RHPN1: variants seen among roughly 807,000 people sequenced by gnomAD.
The protein encoded by RHPN1 is rhophilin Rho GTPase binding protein 1.
A neutral mutation model predicts 74.7 loss-of-function variants in RHPN1; 77 were observed. The observed-to-expected ratio is 1.03, with a 90% CI of 0.86 to 1.25. RHPN1 has a LOEUF of 1.25. Among genes scored for constraint, RHPN1 ranks in the 50% most tolerant of loss-of-function variants. The pLI, the probability that RHPN1 is intolerant of heterozygous loss-of-function variation, is 0.00. For missense variants in RHPN1, 987 were observed against 932.2 expected (o/e 1.06, Z -0.77); for synonymous variants, 444 against 414.5 (o/e 1.07, Z -0.87).
intron 5 of RHPN1, 105 bp downstream of exon 5, chr8:143,378,451 C>G (rs762995929): frequency 1.0e-5 from 11 of 1,078,930 alleles, no homozygotes; most frequent in African/African-American, 3.1e-5. Flanking sequence ...GTAGACATCT[C>G]GAGGACGTGG....
rs1333434837 is a variant in RHPN1, at chr8:143,378,801, C to T, written c.565C>T (p.Leu189Phe). 1.6e-5 allele frequency: 25 copies of T among 1,565,198 alleles called. 1 individual carries two copies. In the South Asian group the frequency reaches 2.9e-4, roughly 18 times the overall value. The change falls in exon 6 of 15, where the codon CTC becomes TTC. Residue 189 changes from leucine (L) to phenylalanine (F), a missense_variant. Transcript: ENST00000289013. ...DARFLTPARS[L>F]GLFFHWYDSL... Reference sequence around the variant, plus strand: ...GCGCTTCCTCACCCCTGCCAGGAGCCTCGGGCTCTTCTTCCACTGGTAGGG... The same window carrying T: ...GCGCTTCCTCACCCCTGCCAGGAGCTTCGGGCTCTTCTTCCACTGGTAGGG...
intron 1 of RHPN1, chr8:143,374,135 A>G (rs749738390): frequency 2.0e-6 from 2 of 985,294 alleles, no homozygotes; most frequent in African/African-American, 1.7e-5. Context: ...CTCTCTCCAG[A>G]TATCTAGGAG....
At chr8:143,371,433 T>G (rs551866329) in intron 1 of RHPN1, among the ~76,000 whole-genome samples, 80 of 151,910 alleles carry the variant, frequency 5.3e-4, no homozygotes, top group African/African-American at 1.9e-3. Context: ...TTGCTCCAGG[T>G]GGGTGACCTC....
Position 143,378,357 on chromosome 8 carries a change from C to CGGGGGGGGGGGGGGGGGGGGCG in RHPN1, c.459+11_459+12insGGGGGGGGGGGGGGGGGGGGCG. 1 of 1,520,944 alleles carries CGGGGGGGGGGGGGGGGGGGGCG rather than the reference C, an allele frequency of 6.6e-7. No individual in the cohort carries two copies. The highest frequency in any genetic ancestry group is 8.9e-7 in the Non-Finnish European group (1 of 1,127,160). 94.2% of individuals were successfully genotyped at this position (1,520,944 alleles called of 1,614,324 possible). A position where few individuals can be genotyped will look rare whatever the true frequency, so the allele number is the denominator to read the frequency against. ...GAGGCCCTGCGGCAGGTGTGTGGTT[C>CGGGGGGGGGGGGGGGGGGGGCG]CCCCGCCCACCCACCCTCCTGCAGC... On this transcript the variant is annotated intron_variant, in intron 5 of 14. Transcript: ENST00000289013.
chr8:143,368,124 A>G (rs1310013881), upstream of RHPN1: 1 of 153,852 alleles, frequency 6.5e-6, no homozygotes, highest in Non-Finnish European at 1.5e-5. Flanking sequence ...CAAGTTCTAC[A>G]AACAGGTAGT....
upstream of RHPN1, among the ~76,000 whole-genome samples, chr8:143,365,699 T>C (rs957498595): frequency 2.0e-5 from 3 of 152,184 alleles, no homozygotes; most frequent in Admixed American, 1.3e-4. Flanking sequence ...TACTGGTCCA[T>C]ATAAAAGCAT....
intron 1 of RHPN1, among the ~76,000 whole-genome samples, chr8:143,373,875 A>T (rs1200796426): frequency 6.6e-6 from 1 of 151,980 alleles, no homozygotes; most frequent in African/African-American, 2.4e-5. Flanking sequence ...CCTCATCTTA[A>T]CTCATTATAT....
At chr8:143,370,748 G>T (rs1817768007) in intron 1 of RHPN1, among the ~76,000 whole-genome samples, 1 of 152,264 alleles carries the variant, frequency 6.6e-6, no homozygotes, top group Non-Finnish European at 1.5e-5. Flanking sequence ...AAGGGGAGAA[G>T]CCTGGCACGG....
chr8:143,370,425 C>T (rs1415045371), intron 1 of RHPN1, among the ~76,000 whole-genome samples: 1 of 152,212 alleles, frequency 6.6e-6, no homozygotes. Context: ...CCGATGCCTG[C>T]TGCCGGGCTA....
At chr8:143,376,749 A>C (rs1454111125) in intron 3 of RHPN1, 96 bp downstream of exon 3, 3 of 1,372,356 alleles carry the variant, frequency 2.2e-6, no homozygotes, top group Non-Finnish European at 3.0e-6. Context: ...CTCTGTGTGT[A>C]TATGTGTGCA....
At position 143,384,035 on chromosome 8, in the gene RHPN1, C is replaced by T. The variant is rs1055181; in HGVS notation, c.*1384C>T. 20,167 of 152,188 alleles carry T rather than the reference C, an allele frequency of 0.13. 1,506 individuals are homozygous for T. Among genetic ancestry groups the T allele is most frequent in the Middle Eastern group, 0.27 (78 of 294 alleles). The allele number at this position is 152,188 out of a possible 1,614,324, so 9.4% of individuals were successfully genotyped here. ...AGTAGGGTGTTTGGGGTCCCAGAGA[C>T]GCAGGCGCCGCGGCGCGATCTTCCT... On this transcript the variant is annotated 3_prime_UTR_variant, in exon 15 of 15. Transcript: ENST00000289013.
At chr8:143,364,438 G>A (rs1012281287), upstream of RHPN1, among the ~76,000 whole-genome samples, 5 of 148,328 alleles carry the variant, frequency 3.4e-5, no homozygotes, top group Admixed American at 6.7e-5. The surrounding 1 kb of genome is among the most constrained non-coding windows in gnomAD (Gnocchi z 4.5). Flanking sequence ...CACACAGCCC[G>A]GGAAGGTCCC....
At chr8:143,371,181 G>A (rs71520513) in intron 1 of RHPN1, among the ~76,000 whole-genome samples, 11,275 of 152,180 alleles carry the variant, frequency 0.074, 495 homozygotes, top group Non-Finnish European at 0.099. Flanking sequence ...TGGCGTGCGT[G>A]CTGCTTATAG....
Position 143,380,300 on chromosome 8 carries a change from C to T in RHPN1, c.1216+125C>T, listed in dbSNP as rs927832076. 1.9e-5 allele frequency: 14 copies of T among 755,308 alleles called. No homozygotes were observed. The African/African-American group carries it at 2.5e-4, about 13-fold the overall frequency. 46.8% of individuals were successfully genotyped at this position (755,308 alleles called of 1,614,324 possible). ...CGTGCTGACGAGTTGGGCCACCTACCTATCCCTGGATGGCCTGTGCCTGAT... is the reference window on the plus strand; with the variant it reads ...CGTGCTGACGAGTTGGGCCACCTACTTATCCCTGGATGGCCTGTGCCTGAT... On this transcript the variant is annotated intron_variant, in intron 10 of 14. Transcript: ENST00000289013.
At chr8:143,376,474 C>T in intron 2 of RHPN1, 51 bp from the exon 3 acceptor site, 1 of 1,601,872 alleles carries the variant, frequency 6.2e-7, no homozygotes, top group Non-Finnish European at 8.5e-7. Context: ...GGGCACGGGG[C>T]CTTTGGCTCT....
At position 143,375,137 on chromosome 8, in the gene RHPN1, G is replaced by A. The variant is rs575900562; in HGVS notation, c.61-416G>A. On this transcript the variant is annotated intron_variant, in intron 1 of 14. Transcript: ENST00000289013. Reference sequence around the variant, plus strand: ...GAGTTGGATGGGAAAAAAATTGGGAGGGGCAAGGGGGGGATCCAGAATGAA... The same window carrying A: ...GAGTTGGATGGGAAAAAAATTGGGAAGGGCAAGGGGGGGATCCAGAATGAA... Among the ~76,000 whole-genome samples, 93 of 152,258 alleles carry A rather than the reference G, an allele frequency of 6.1e-4. No individual in the cohort carries two copies. In the South Asian group the frequency reaches 0.015, roughly 24 times the overall value.
chr8:143,379,665 G>C (rs1818564149), intron 8 of RHPN1, 157 bp downstream of exon 8: 1 of 985,328 alleles, frequency 1.0e-6, no homozygotes, highest in African/African-American at 1.7e-5. Context: ...CAGGAACCTG[G>C]GGACCCGAGC....
At position 143,381,671 on chromosome 8, in the gene RHPN1, G is replaced by T; in HGVS notation, c.1588G>T (p.Asp530Tyr). Reference protein sequence around the residue: ...EGGFGLTLRGDSPVLIAAVIP... With the variant: ...EGGFGLTLRGYSPVLIAAVIP... ...CGGCTTTGGCCTCACGCTTCGGGGA[G>T]ACTCGCCTGTCCTCATCGCTGCCGT... is the stretch of plus-strand genomic sequence containing the variant. Residue 530 changes from aspartate (D) to tyrosine (Y), a missense_variant, in exon 13 of 15, where the codon GAC becomes TAC. Asp to Tyr is a radical substitution (Grantham distance 160, BLOSUM62 -3). Transcript: ENST00000289013. 6.2e-7 allele frequency: 1 copy of T among 1,611,644 alleles called. No individual in the cohort carries two copies. Among genetic ancestry groups the T allele is most frequent in the Non-Finnish European group, 8.5e-7 (1 of 1,179,548 alleles).
chr8:143,382,421 C>G lies in RHPN1; in HGVS notation c.1798-15C>G, dbSNP rs1040577664. ...AGCAGTGGCTGACCACAGTCTGTCT[C>G]TGTCCCTGCTGCAGGGGGACCGCCG... On this transcript the variant is annotated splice_polypyrimidine_tract_variant and intron_variant, in intron 14 of 14. Coordinates refer to ENST00000289013, the MANE Select transcript of RHPN1 (RefSeq NM_052924.3). The G allele has an allele frequency of 1.3e-6, 2 of 1,549,790 alleles. No individual in the cohort carries two copies. Among genetic ancestry groups the G allele is most frequent in the African/African-American group, 2.7e-5 (2 of 73,118 alleles).
Sources: allele counts gnomAD v4.1 joint callset (sites outside exome capture counted in the v4.1 genomes callset), GRCh38; gene constraint gnomAD v4.1.1; non-coding constraint Gnocchi (gnomAD v3.1); transcripts MANE v1.5; gene names NCBI Gene and HGNC (gene_info 2026-07-23, HGNC 2026-07-21).